XAB2: variants seen among roughly 807,000 people sequenced by gnomAD.
XAB2 encodes pre-mRNA-splicing factor SYF1.
XAB2 carries 57 observed loss-of-function variants against 113.4 expected under a neutral mutation model. The ratio of observed to expected loss-of-function variants is 0.50; its 90% CI spans 0.41 to 0.63. The LOEUF is 0.63. XAB2 is among the 20% of genes least tolerant of loss of function. The pLI, the probability that XAB2 is intolerant of heterozygous loss-of-function variation, is 0.00. For missense variants in XAB2, 1,037 were observed against 1,233.3 expected (o/e 0.84, Z 2.38); for synonymous variants, 497 against 498.8 (o/e 1.00, Z 0.05).
Position 7,627,225 on chromosome 19 carries a change from C to T in XAB2, c.522+18G>A, listed in dbSNP as rs377351551. 4.4e-6 allele frequency: 7 copies of T among 1,609,154 alleles called. No individual in the cohort carries two copies. In the South Asian group the frequency reaches 4.4e-5, roughly 10 times the overall value. The stretch of plus-strand genomic sequence containing the variant: ...TCTGGAAACTAACCTGGGGAACCAG[C>T]GCACCTGCTAGGCTCACCTTGAGGA... On this transcript the variant is annotated intron_variant, in intron 4 of 18. Transcript: ENST00000358368. The surrounding 1 kb of genome is among the most constrained non-coding windows in gnomAD (Gnocchi z 4.5).
Position 7,626,094 on chromosome 19 carries a change from G to C in XAB2, c.657+42C>G, listed in dbSNP as rs376290146. ...AGAGTCTCAGGCTCAGTCATGGAGG[G>C]GGTGGCCCTCCCACCCAGTTGCCGG... On this transcript the variant is annotated intron_variant, in intron 5 of 18. Coordinates refer to ENST00000358368, the MANE Select transcript of XAB2 (RefSeq NM_020196.3). The C allele has an allele frequency of 2.1e-5, 34 of 1,612,032 alleles. 1 individual carries two copies. In the Admixed American group the frequency reaches 5.7e-4, roughly 27 times the overall value.
At position 7,622,323 on chromosome 19, in the gene XAB2, C is replaced by T. The variant is rs2031050402; in HGVS notation, c.1617+8G>A. The T allele has an allele frequency of 6.2e-7, 1 of 1,614,010 alleles. No homozygotes were observed. Among genetic ancestry groups the T allele is most frequent in the South Asian group, 1.1e-5 (1 of 91,068 alleles). The stretch of plus-strand genomic sequence containing the variant: ...TCAGGGGCCTCTGGGTCCACCCTAG[C>T]CCCTCACCTTGAAGCTCTCCTCGAA... On this transcript the variant is annotated splice_region_variant and intron_variant, in intron 12 of 18. Transcript: ENST00000358368.
At chr19:7,620,727 A>C in intron 14 of XAB2, 58 bp from the exon 15 acceptor site, 1 of 1,602,642 alleles carries the variant, frequency 6.2e-7, no homozygotes, top group Non-Finnish European at 8.5e-7. Flanking sequence ...GGGGCTCCCA[A>C]CACACCATGG....
At chr19:7,621,407 G>GC in intron 12 of XAB2, 110 bp from the exon 13 acceptor site, 5 of 1,264,118 alleles carry the variant, frequency 4.0e-6, no homozygotes, top group Non-Finnish European at 5.6e-6. Flanking sequence ...CTCCCTTGGG[G>GC]CCCTTCCCTG....
chr19:7,622,595 C>T lies in XAB2; in HGVS notation c.1438G>A (p.Val480Met), dbSNP rs781759522. 12 of 1,613,014 alleles carry T rather than the reference C, an allele frequency of 7.4e-6. No individual in the cohort carries two copies. The highest frequency in any genetic ancestry group is 1.6e-4 in the Middle Eastern group (1 of 6,062). The change falls in exon 11 of 19, where the codon GTG becomes ATG. Residue 480 changes from valine (V) to methionine (M), a missense_variant. Coordinates refer to ENST00000358368, the MANE Select transcript of XAB2 (RefSeq NM_020196.3). ...FDGSEPVQNR[V>M]YKSLKVWSML... ...GACCAGACCTTCAGTGACTTGTACA[C>T]GCGGTTCTGCACGGGCTCTGAACCA...
chr19:7,619,683 G>C (rs373646562), intron 18 of XAB2, 36 bp from the exon 19 acceptor site: 1 of 1,606,268 alleles, frequency 6.2e-7, no homozygotes, highest in South Asian at 1.1e-5. Context: ...CCCTCCTGGC[G>C]TTGGCCTGTC....
chr19:7,620,479 G>C, intron 15 of XAB2, 33 bp from the exon 16 acceptor site: 1 of 1,608,354 alleles, frequency 6.2e-7, no homozygotes. Flanking sequence ...GTGGGTGTGT[G>C]TGCCCGTGAG....
rs2031191562 is a variant in XAB2, at chr19:7,628,551, G to A, written c.52-253C>T. ...AATCATCAGACTTCTCAGTCATTAG[G>A]GCTCTGGGCCAGGAATGAGTCCGCA... On this transcript the variant is annotated intron_variant, in intron 1 of 18. Coordinates refer to ENST00000358368, the MANE Select transcript of XAB2 (RefSeq NM_020196.3). This position sits in a 1 kb window ranked among gnomAD's most constrained non-coding sequence, Gnocchi z 4.6. Among the ~76,000 whole-genome samples, 1 of 151,998 alleles carries A rather than the reference G, an allele frequency of 6.6e-6. No individual in the cohort carries two copies. The highest frequency in any genetic ancestry group is 6.6e-5 in the Admixed American group (1 of 15,256).
Position 7,628,338 on chromosome 19 carries a change from T to G in XAB2, c.52-40A>C. ...GAATGGGAAGAAGAGAGGCCTACCC[T>G]CAGAGCCTGTGTGCAGCACCATCCC... On this transcript the variant is annotated intron_variant, in intron 1 of 18. Transcript: ENST00000358368. The surrounding 1 kb of genome is among the most constrained non-coding windows in gnomAD (Gnocchi z 4.6). 3 of 1,612,452 alleles carry G rather than the reference T, an allele frequency of 1.9e-6. No homozygotes were observed. The highest frequency in any genetic ancestry group is 1.7e-6 in the Non-Finnish European group (2 of 1,179,646).
chr19:7,623,146 A>G lies in XAB2; in HGVS notation c.1239+24T>C, dbSNP rs549118374. On this transcript the variant is annotated intron_variant, in intron 9 of 18. Transcript: ENST00000358368. This position sits in a 1 kb window ranked among gnomAD's most constrained non-coding sequence, Gnocchi z 4.6. ...AGCACACACACATGCATGAACACACAGGCACACGCAACAGGGTGCTCACAT... is the reference window on the plus strand; with the variant it reads ...AGCACACACACATGCATGAACACACGGGCACACGCAACAGGGTGCTCACAT... 1.7e-5 allele frequency: 27 copies of G among 1,611,552 alleles called. No homozygotes were observed. In the African/African-American group the frequency reaches 3.5e-4, roughly 21 times the overall value.
In XAB2 at chr19:7,624,276, C is replaced by T. The variant is rs1241542218; in HGVS notation, c.967+25G>A. The T allele has an allele frequency of 1.2e-6, 2 of 1,611,122 alleles. No individual in the cohort carries two copies. Among genetic ancestry groups the T allele is most frequent in the Admixed American group, 1.7e-5 (1 of 60,020 alleles). On this transcript the variant is annotated intron_variant, in intron 7 of 18. Coordinates refer to ENST00000358368, the MANE Select transcript of XAB2 (RefSeq NM_020196.3). The surrounding 1 kb of genome is among the most constrained non-coding windows in gnomAD (Gnocchi z 4.2). ...TAATGTCCACTCAGCTCTCTCCCCACCAGCCGGGGCCCCCAGAGGCTCACC... is the reference window on the plus strand; with the variant it reads ...TAATGTCCACTCAGCTCTCTCCCCATCAGCCGGGGCCCCCAGAGGCTCACC...
chr19:7,629,413 C>T lies in XAB2; in HGVS notation c.51+64G>A, dbSNP rs985072209. ...ATCTCCTTGCCGACCCAGCCTCGAT[C>T]CCCTGCGGCGTCCAGGTCCCAATGC... is the stretch of plus-strand genomic sequence containing the variant. On this transcript the variant is annotated intron_variant, in intron 1 of 18. Transcript: ENST00000358368. 5.2e-6 allele frequency: 8 copies of T among 1,548,732 alleles called. No homozygotes were observed. The South Asian group carries it at 8.3e-5, about 16-fold the overall frequency.
chr19:7,626,321 C>T, intron 4 of XAB2, 51 bp from the exon 5 acceptor site: 1 of 1,585,646 alleles, frequency 6.3e-7, no homozygotes, highest in Middle Eastern at 1.7e-4. Flanking sequence ...AGGGCTACGC[C>T]CACCTCCCGA....
In XAB2 at chr19:7,628,382, C is replaced by A; in HGVS notation, c.52-84G>T. On this transcript the variant is annotated intron_variant, in intron 1 of 18. Transcript: ENST00000358368. This position sits in a 1 kb window ranked among gnomAD's most constrained non-coding sequence, Gnocchi z 4.6. ...CCATCCCACTGCTGGGGCTCAGGTC[C>A]AAACTCCGGACTTTTACCTAGATCC... 1 of 1,562,358 alleles carries A rather than the reference C, an allele frequency of 6.4e-7. No homozygotes were observed. Among genetic ancestry groups the A allele is most frequent in the South Asian group, 1.1e-5 (1 of 87,368 alleles).
chr19:7,620,254 C>T, intron 16 of XAB2, 21 bp downstream of exon 16: 1 of 1,612,256 alleles, frequency 6.2e-7, no homozygotes, highest in Non-Finnish European at 8.5e-7. Flanking sequence ...ATCAGGAACT[C>T]AGCCAGCTGG....
At position 7,625,039 on chromosome 19, in the gene XAB2, G is replaced by A. The variant is rs889107143; in HGVS notation, c.823-594C>T. 1.3e-5 allele frequency among the ~76,000 whole-genome samples: 2 copies of A among 152,212 alleles called. No homozygotes were observed. The highest frequency in any genetic ancestry group is 2.9e-5 in the Non-Finnish European group (2 of 68,030). ...CCACACCCCACTGGCGGCTCCCCCA[G>A]CCAGGAGCATGGCCAGCCCGTTTGG... On this transcript the variant is annotated intron_variant, in intron 6 of 18. Transcript: ENST00000358368. The surrounding 1 kb of genome is among the most constrained non-coding windows in gnomAD (Gnocchi z 5.2).
Position 7,624,538 on chromosome 19 carries a change from G to T in XAB2, c.823-93C>A. ...CACCAGCCTCAATGTGGAACCCCTG[G>T]GGGCCTTCTGGGTAGTGACGCATCC... On this transcript the variant is annotated intron_variant, in intron 6 of 18. Transcript: ENST00000358368. This position sits in a 1 kb window ranked among gnomAD's most constrained non-coding sequence, Gnocchi z 4.2. 6.3e-7 allele frequency: 1 copy of T among 1,575,272 alleles called. No homozygotes were observed. The highest frequency in any genetic ancestry group is 8.6e-7 in the Non-Finnish European group (1 of 1,161,050).
chr19:7,626,400 A>C, intron 4 of XAB2, 130 bp from the exon 5 acceptor site: 24 of 1,351,452 alleles, frequency 1.8e-5, no homozygotes, highest in East Asian at 7.0e-5. Context: ...GCCCTGTCAA[A>C]CCAGCCTCAG....
rs764953304 is a variant in XAB2 at position 7,628,264 on chromosome 19, A to G, written c.86T>C (p.Met29Thr). 1.2e-6 allele frequency: 2 copies of G among 1,614,122 alleles called. No homozygotes were observed. The highest frequency in any genetic ancestry group is 1.7e-5 in the Admixed American group (1 of 60,018). ...EEDLPYEEEIMRNQFSVKCWL... is the reference protein window; with the variant it reads ...EEDLPYEEEITRNQFSVKCWL... ...GCATTTGACAGAGAATTGGTTCCGC[A>G]TGATTTCCTCCTCATAGGGGAGGTC... Residue 29 changes from methionine to threonine, a missense_variant, in exon 2 of 19, where the codon ATG becomes ACG. Physicochemically the swap from Met to Thr is moderately conservative, Grantham distance 81. Transcript: ENST00000358368. The surrounding 1 kb of genome is among the most constrained non-coding windows in gnomAD (Gnocchi z 4.6).
Sources: gnomAD v4.1 joint callset for allele counts (sites outside exome capture counted in the v4.1 genomes callset) on GRCh38, gnomAD v4.1.1 for gene constraint, Gnocchi (gnomAD v3.1) non-coding constraint, MANE v1.5 for transcripts, NCBI Gene and HGNC (gene_info 2026-07-23, HGNC 2026-07-21) for gene names.